SLC38A6: variants seen among roughly 807,000 people sequenced by gnomAD.
SLC38A6 encodes the protein N system amino acid transporter NAT-1.
In SLC38A6, 73 loss-of-function variants were observed where a neutral mutation model predicts 65.0. That is an observed-to-expected ratio of 1.12 (90% confidence interval 0.93 to 1.37). The LOEUF (loss-of-function observed/expected upper bound fraction) is 1.37. Ranked by LOEUF, SLC38A6 falls within the 40% of genes most tolerant of loss-of-function variation. SLC38A6 has a pLI of 0.00. For synonymous variants in SLC38A6, 183 were observed against 178.8 expected, an observed-to-expected ratio of 1.02 and a Z score of -0.19; for missense variants, 561 against 531.1, an observed-to-expected ratio of 1.06 and a Z score of -0.55.
intron 8 of SLC38A6, among the ~76,000 whole-genome samples, chr14:61,042,233 G>A (rs375922589): frequency 2.0e-5 from 3 of 152,062 alleles, no homozygotes; most frequent in African/African-American, 2.4e-5. Context: ...TTTTATCACT[G>A]TGTAAAATTT....
chr14:61,082,984 C>T (rs77502493), intron 16 of SLC38A6, among the ~76,000 whole-genome samples: 1 of 152,218 alleles, frequency 6.6e-6, no homozygotes, highest in South Asian at 2.1e-4. Context: ...ATTGAAAAAA[C>T]CAGGCAATCA....
intron 15 of SLC38A6, among the ~76,000 whole-genome samples, chr14:61,075,779 GTGTGTGT>G (rs1566736707): frequency 0.014 from 31 of 2,232 alleles, no homozygotes; most frequent in African/African-American, 0.024. Context: ...CAACCTGTTT[GTGTGTGT>G]GTGTGTGTGT....
intron 3 of SLC38A6, among the ~76,000 whole-genome samples, chr14:60,992,411 A>G (rs2037967123): frequency 6.6e-6 from 1 of 152,186 alleles, no homozygotes; most frequent in South Asian, 2.1e-4. Context: ...TTTTGTAAAT[A>G]TTTCTCGGAT....
At chr14:61,057,957 G>A (rs2042762438) in intron 15 of SLC38A6, among the ~76,000 whole-genome samples, 1 of 134,850 alleles carries the variant, frequency 7.4e-6, no homozygotes, top group Admixed American at 7.5e-5. Context: ...CTGTGGGATC[G>A]GTGGTGATAT....
chr14:61,013,599 G>A (rs974168479), intron 3 of SLC38A6, among the ~76,000 whole-genome samples: 3 of 152,140 alleles, frequency 2.0e-5, no homozygotes, highest in Admixed American at 1.3e-4. Context: ...AAATCTCTCA[G>A]CATTTGCTTG....
At chr14:61,020,022 A>G (rs977818566) in intron 5 of SLC38A6, among the ~76,000 whole-genome samples, 1 of 152,182 alleles carries the variant, frequency 6.6e-6, no homozygotes, top group African/African-American at 2.4e-5. Context: ...AGAATTTAAA[A>G]TGACCAAGTG....
chr14:61,015,830 A>G, intron 3 of SLC38A6, 74 bp from the exon 4 acceptor site: 1 of 1,162,870 alleles, frequency 8.6e-7, no homozygotes, highest in East Asian at 2.4e-5. Context: ...TTGTAGTAGG[A>G]CCTGCTCTTC....
intron 2 of SLC38A6, 21 bp downstream of exon 2, chr14:60,982,659 A>C (rs772817618): frequency 1.9e-6 from 3 of 1,589,490 alleles, no homozygotes; most frequent in Non-Finnish European, 2.6e-6. Flanking sequence ...ATATTTTAGC[A>C]TCAAATTTTT....
At chr14:61,011,999 A>C (rs866349487) in intron 3 of SLC38A6, among the ~76,000 whole-genome samples, 6 of 152,230 alleles carry the variant, frequency 3.9e-5, no homozygotes, top group Non-Finnish European at 7.4e-5. Context: ...TTCGGCTGTG[A>C]TTGCATCTGG....
chr14:61,037,010 GA>G, intron 6 of SLC38A6, 48 bp from the exon 7 acceptor site: 1 of 931,946 alleles, frequency 1.1e-6, no homozygotes, highest in Non-Finnish European at 1.7e-6. Context: ...GTGTGTGTCA[GA>G]ACAAACACTG....
intron 8 of SLC38A6, among the ~76,000 whole-genome samples, chr14:61,042,155 T>A (rs1306357467): frequency 6.6e-6 from 1 of 152,216 alleles, no homozygotes; most frequent in African/African-American, 2.4e-5. Flanking sequence ...GTGAGGTTTT[T>A]AATTAAGAGT....
At chr14:61,014,541 G>T (rs1237507518) in intron 3 of SLC38A6, among the ~76,000 whole-genome samples, 1 of 152,232 alleles carries the variant, frequency 6.6e-6, no homozygotes, top group East Asian at 1.9e-4. Context: ...TTTGATGATG[G>T]TGACGTACAG....
At chr14:61,039,061 G>A (rs2041605069) in intron 8 of SLC38A6, among the ~76,000 whole-genome samples, 1 of 152,212 alleles carries the variant, frequency 6.6e-6, no homozygotes, top group Non-Finnish European at 1.5e-5. Flanking sequence ...AATTGGCAAT[G>A]CAATCATTGC....
intron 4 of SLC38A6, among the ~76,000 whole-genome samples, chr14:61,016,947 A>G (rs989656673): frequency 2.0e-5 from 3 of 152,222 alleles, no homozygotes; most frequent in Non-Finnish European, 4.4e-5. Flanking sequence ...GTAACTGGCT[A>G]AACTAACTTC....
chr14:61,074,500 C>T (rs1167076266), intron 15 of SLC38A6, among the ~76,000 whole-genome samples: 1 of 152,102 alleles, frequency 6.6e-6, no homozygotes, highest in African/African-American at 2.4e-5. Flanking sequence ...ATCTCTGTTC[C>T]TCTTCCTATA....
intron 12 of SLC38A6, 104 bp downstream of exon 12, chr14:61,046,271 C>G: frequency 1.4e-6 from 1 of 693,920 alleles, no homozygotes; most frequent in Non-Finnish European, 2.4e-6. Flanking sequence ...AGTTAATTTG[C>G]TCAGATCACC....
At chr14:61,061,224 A>G (rs558028172) in intron 15 of SLC38A6, among the ~76,000 whole-genome samples, 1 of 152,288 alleles carries the variant, frequency 6.6e-6, no homozygotes, top group South Asian at 2.1e-4. Context: ...AGTTCTGTTT[A>G]TGTGATGAAT....
chr14:61,078,836 G>A (rs965505258), exon 16 of SLC38A6: 8 of 212,526 alleles, frequency 3.8e-5, no homozygotes, highest in South Asian at 7.3e-5. Flanking sequence ...ACAGGTTGGC[G>A]TGCAGTGGTG....
intron 6 of SLC38A6, among the ~76,000 whole-genome samples, chr14:61,033,616 T>C (rs978796088): frequency 4.2e-4 from 64 of 152,128 alleles, no homozygotes; most frequent in African/African-American, 1.5e-3. Context: ...AGTTTGTTTT[T>C]CTCAGGCAGC....
Sources: allele counts gnomAD v4.1 joint callset (sites outside exome capture counted in the v4.1 genomes callset), GRCh38; gene constraint gnomAD v4.1.1; transcripts MANE v1.5; gene names NCBI Gene and HGNC (gene_info 2026-07-23, HGNC 2026-07-21).